The following FAM178B variants were observed in gnomAD, a reference collection of about 807,000 sequenced individuals.
FAM178B encodes the protein family with sequence similarity 178 member B.
A neutral mutation model predicts 91.7 loss-of-function variants in FAM178B; 82 were observed. The ratio of observed to expected loss-of-function variants is 0.89; its 90% CI spans 0.75 to 1.07. The LOEUF is 1.07. Ranked by LOEUF, FAM178B falls within the 50% of genes least tolerant of loss-of-function variation. The pLI, the probability that FAM178B is intolerant of heterozygous loss-of-function variation, is 0.00. For synonymous variants in FAM178B, 368 were observed against 359.4 expected, an observed-to-expected ratio of 1.02 and a Z score of -0.27; for missense variants, 769 against 846.7, an observed-to-expected ratio of 0.91 and a Z score of 1.14.
chr2:96,978,418 G>A (rs1250075381), intron 1 of FAM178B, among the ~76,000 whole-genome samples: 1 of 152,104 alleles, frequency 6.6e-6, no homozygotes, highest in Admixed American at 6.5e-5. Context: ...TACTCAACAG[G>A]TAATTTTTCA....
At chr2:96,898,814 G>A (rs2080871226) in intron 13 of FAM178B, among the ~76,000 whole-genome samples, 1 of 152,216 alleles carries the variant, frequency 6.6e-6, no homozygotes, top group Non-Finnish European at 1.5e-5. Context: ...GTACATGGGA[G>A]CTGCCACTAC....
chr2:96,883,723 C>T (rs2080447243), intron 14 of FAM178B, among the ~76,000 whole-genome samples: 1 of 152,180 alleles, frequency 6.6e-6, no homozygotes, highest in African/African-American at 2.4e-5. Flanking sequence ...CCCAGGGGCT[C>T]ACCCCCAGCC....
chr2:96,953,106 A>G (rs1485772480), intron 6 of FAM178B, among the ~76,000 whole-genome samples: 1 of 152,226 alleles, frequency 6.6e-6, no homozygotes, highest in Non-Finnish European at 1.5e-5. Flanking sequence ...CAGAGGAGAA[A>G]GCAGCTTTGT....
intron 16 of FAM178B, 162 bp downstream of exon 16, chr2:96,877,728 G>T (rs957813050): frequency 6.5e-5 from 43 of 658,466 alleles, no homozygotes; most frequent in Middle Eastern, 7.3e-4. Context: ...AATGATGAAG[G>T]CCCCTCAAGG....
intron 14 of FAM178B, among the ~76,000 whole-genome samples, chr2:96,884,000 A>G (rs1203203217): frequency 6.6e-6 from 1 of 152,180 alleles, no homozygotes; most frequent in Non-Finnish European, 1.5e-5. Context: ...TCGACTCTAG[A>G]GCTAACGGAG....
intron 5 of FAM178B, among the ~76,000 whole-genome samples, chr2:96,961,029 AC>A (rs559741374): frequency 1.9e-3 from 286 of 152,272 alleles, no homozygotes; most frequent in African/African-American, 6.4e-3. Context: ...TCTGAGGACC[AC>A]CCAGACAGCT....
chr2:96,970,358 A>G (rs2082200811), intron 4 of FAM178B, among the ~76,000 whole-genome samples: 1 of 152,222 alleles, frequency 6.6e-6, no homozygotes, highest in Non-Finnish European at 1.5e-5. Context: ...ATGACCCTCC[A>G]GCCACAGCCA....
At position 96,921,478 on chromosome 2, in the gene FAM178B, C is replaced by A; in HGVS notation, c.1464G>T (p.Lys488Asn). 6.4e-7 allele frequency: 1 copy of A among 1,551,662 alleles called. No individual in the cohort carries two copies. Among genetic ancestry groups the A allele is most frequent in the Non-Finnish European group, 8.7e-7 (1 of 1,146,978 alleles). ...GGACCAGGCTCTGGGCGTCTAGTACCTTCCCTGGCCACTCCCGGATGTTCT... is the reference window on the plus strand; with the variant it reads ...GGACCAGGCTCTGGGCGTCTAGTACATTCCCTGGCCACTCCCGGATGTTCT... ...LLENIREWPG[K>N]LQELCCTLSW... The change falls in exon 11 of 17, where the codon AAG (lysine) becomes AAT (asparagine). Residue 488 changes from lysine (K) to asparagine (N), a missense_variant and splice_region_variant. Transcript: ENST00000490605.
At chr2:96,945,908 C>T (rs1207181911) in intron 8 of FAM178B, among the ~76,000 whole-genome samples, 2 of 152,130 alleles carry the variant, frequency 1.3e-5, no homozygotes, top group Non-Finnish European at 2.9e-5. Flanking sequence ...AGTACATTCA[C>T]GCTGTAGTAC....
Position 96,876,258 on chromosome 2 carries a change from T to C in FAM178B, c.*18A>G, listed in dbSNP as rs968577780. On this transcript the variant is annotated 3_prime_UTR_variant, in exon 17 of 17. Transcript: ENST00000490605. ...CCTGCTGAAGCCAGGAGCCCTGGGC[T>C]GCCCTGACCCTGTCCCTTTAGATGT... 6.2e-7 allele frequency: 1 copy of C among 1,607,410 alleles called. No individual in the cohort carries two copies. The highest frequency in any genetic ancestry group is 1.3e-5 in the African/African-American group (1 of 74,906).
intron 16 of FAM178B, among the ~76,000 whole-genome samples, chr2:96,876,980 C>T (rs1242399214): frequency 2.0e-5 from 3 of 152,150 alleles, no homozygotes; most frequent in African/African-American, 7.2e-5. Context: ...ACACAAGCTG[C>T]CTGCGTGATG....
intron 9 of FAM178B, among the ~76,000 whole-genome samples, chr2:96,927,932 C>T (rs928276791): frequency 5.9e-5 from 9 of 152,326 alleles, no homozygotes; most frequent in Middle Eastern, 3.4e-3. Flanking sequence ...AGACGGTGTG[C>T]GATTGCAGCT....
At chr2:96,912,443 G>C (rs1283039570) in intron 12 of FAM178B, among the ~76,000 whole-genome samples, 1 of 152,014 alleles carries the variant, frequency 6.6e-6, no homozygotes, top group Non-Finnish European at 1.5e-5. Flanking sequence ...ACCAAGACTC[G>C]AGGGCTGGTG....
intron 7 of FAM178B, among the ~76,000 whole-genome samples, chr2:96,949,780 A>C (rs2081893444): frequency 6.6e-6 from 1 of 152,174 alleles, no homozygotes; most frequent in Non-Finnish European, 1.5e-5. Flanking sequence ...CTCTGCACTA[A>C]CAGCGTGCCT....
intron 12 of FAM178B, among the ~76,000 whole-genome samples, chr2:96,910,797 ATTTTTTT>A (rs200071141): frequency 7.3e-6 from 1 of 136,214 alleles, no homozygotes; most frequent in Non-Finnish European, 1.6e-5. Flanking sequence ...TCTCTTCTTA[ATTTTTTT>A]TTTTTTTTTT....
intron 6 of FAM178B, among the ~76,000 whole-genome samples, chr2:96,958,218 C>T (rs1046310959): frequency 2.0e-5 from 3 of 151,950 alleles, no homozygotes; most frequent in Non-Finnish European, 2.9e-5. Context: ...TACAGGCGCC[C>T]GCTACCACGC....
At chr2:96,880,549 T>C (rs2080353767) in intron 14 of FAM178B, among the ~76,000 whole-genome samples, 1 of 152,258 alleles carries the variant, frequency 6.6e-6, no homozygotes, top group Non-Finnish European at 1.5e-5. Flanking sequence ...ATTATTTCTC[T>C]ACAATGTGTG....
chr2:96,885,034 G>A (rs1415798976), intron 14 of FAM178B, among the ~76,000 whole-genome samples: 3 of 152,254 alleles, frequency 2.0e-5, no homozygotes, highest in Non-Finnish European at 4.4e-5. Context: ...GAGAGCAGAC[G>A]TCACTGGTGG....
At chr2:96,887,906 C>T (rs2080569410) in intron 14 of FAM178B, among the ~76,000 whole-genome samples, 1 of 152,172 alleles carries the variant, frequency 6.6e-6, no homozygotes, top group Non-Finnish European at 1.5e-5. Context: ...GCTGCCAAGG[C>T]CCTGAGCAAA....
Sources: gnomAD v4.1 joint callset for allele counts (sites outside exome capture counted in the v4.1 genomes callset) on GRCh38, gnomAD v4.1.1 for gene constraint, MANE v1.5 for transcripts, NCBI Gene and HGNC (gene_info 2026-07-23, HGNC 2026-07-21) for gene names.